HTR2C: variants seen among roughly 807,000 people sequenced by gnomAD.
The protein encoded by HTR2C is 5-hydroxytryptamine receptor 2C, also known as 5-hydroxytryptamine (serotonin) receptor 2C, G protein-coupled.
In HTR2C, 5 loss-of-function variants were observed where a neutral mutation model predicts 21.0. The observed-to-expected ratio is 0.24, with a 90% CI of 0.12 to 0.50. The LOEUF is 0.50. Ranked by LOEUF, HTR2C falls within the 20% of genes least tolerant of loss-of-function variation. The pLI is 0.98. For missense variants in HTR2C, 271 were observed against 371.2 expected (o/e 0.73, Z 2.22); for synonymous variants, 150 against 145.3 (o/e 1.03, Z -0.23).
chrX:114,716,373 C>T (rs1275416868), intron 2 of HTR2C, among the ~76,000 whole-genome samples: 4 of 112,016 alleles, frequency 3.6e-5, no homozygotes, highest in South Asian at 7.3e-4. Context: ...TGTGTGAATT[C>T]GCACATAATT....
chrX:114,806,966 CCATATATACCATATATATACCA>C (rs1556450329), intron 4 of HTR2C, among the ~76,000 whole-genome samples: 3 of 98,069 alleles, frequency 3.1e-5, no homozygotes, highest in African/African-American at 1.1e-4. Flanking sequence ...TATGTATATA[CCATATATACCATATATATACCA>C]CATATATATA....
At chrX:114,609,900 G>A (rs896365628) in intron 1 of HTR2C, among the ~76,000 whole-genome samples, 3 of 111,970 alleles carry the variant, frequency 2.7e-5, no homozygotes, top group Non-Finnish European at 5.6e-5. Context: ...GGAAGGTGGT[G>A]ACTACAAAGA....
At chrX:114,833,700 T>TG (rs782115962) in intron 4 of HTR2C, among the ~76,000 whole-genome samples, 146 of 111,344 alleles carry the variant, frequency 1.3e-3, no homozygotes, top group Middle Eastern at 9.2e-3. Flanking sequence ...CTCTATTTCC[T>TG]TCAGTTCTGC....
At chrX:114,805,261 A>G (rs2147432959) in intron 4 of HTR2C, among the ~76,000 whole-genome samples, 1 of 109,668 alleles carries the variant, frequency 9.1e-6, no homozygotes, top group East Asian at 2.9e-4. Context: ...ACTTTGACAT[A>G]TGACCAATCT....
chrX:114,677,488 T>C (rs1931600733), intron 2 of HTR2C, among the ~76,000 whole-genome samples: 1 of 111,102 alleles, frequency 9.0e-6, no homozygotes, highest in African/African-American at 3.3e-5. Flanking sequence ...TGTTCAACCC[T>C]ATAAAATGAT....
chrX:114,644,362 AATATATATATATATATATATATATATAT>A (rs782451317), intron 2 of HTR2C, among the ~76,000 whole-genome samples: 10 of 38,244 alleles, frequency 2.6e-4, no homozygotes, highest in African/African-American at 1.3e-4. Flanking sequence ...TAAATAAATA[AATATATATATATATATATATATATATAT>A]ATATATATAT....
At chrX:114,806,103 A>G (rs1425795648) in intron 4 of HTR2C, among the ~76,000 whole-genome samples, 4 of 100,337 alleles carry the variant, frequency 4.0e-5, no homozygotes, top group African/African-American at 7.1e-5. Flanking sequence ...TATATACACC[A>G]TATATACCAT....
At chrX:114,726,026 G>T (rs1420711174) in intron 2 of HTR2C, among the ~76,000 whole-genome samples, 13 of 111,673 alleles carry the variant, frequency 1.2e-4, no homozygotes, top group Non-Finnish European at 7.5e-5. Flanking sequence ...GCCTCCTTGA[G>T]CTGTGGTGGG....
chrX:114,894,715 T>C (rs191084911), intron 5 of HTR2C, among the ~76,000 whole-genome samples: 93 of 111,015 alleles, frequency 8.4e-4, no homozygotes, highest in South Asian at 1.9e-3. Context: ...CATTTATTTA[T>C]CTACCTTATT....
At chrX:114,814,433 G>A (rs1165975148) in intron 4 of HTR2C, among the ~76,000 whole-genome samples, 2 of 109,647 alleles carry the variant, frequency 1.8e-5, no homozygotes, top group African/African-American at 6.6e-5. Context: ...TGAAGTCATG[G>A]AACCTAAAAC....
At chrX:114,887,045 TA>T (rs782036457) in intron 5 of HTR2C, among the ~76,000 whole-genome samples, 3 of 112,247 alleles carry the variant, frequency 2.7e-5, no homozygotes, top group Non-Finnish European at 5.6e-5. Flanking sequence ...CATGCCATAG[TA>T]AAAAATGTGC....
At position 114,907,490 on chromosome X, in the gene HTR2C, G is replaced by T. The variant is rs2071385177; in HGVS notation, c.*75G>T. The T allele has an allele frequency of 2.7e-6, 2 of 750,643 alleles. No homozygotes were observed. The highest frequency in any genetic ancestry group is 4.0e-6 in the Non-Finnish European group (2 of 503,441). The allele number at this position is 750,643 out of a possible 1,213,427, so 61.9% of individuals were successfully genotyped here. A position where few individuals can be genotyped will look rare whatever the true frequency, so the allele number is the denominator to read the frequency against. The stretch of plus-strand genomic sequence containing the variant: ...AATTTTCTTCTTTAATTTTTCTGTT[G>T]GTCTTAACTAATGTAAATATTGCTG... On this transcript the variant is annotated 3_prime_UTR_variant, in exon 6 of 6. Coordinates refer to ENST00000276198, the MANE Select transcript of HTR2C (RefSeq NM_000868.4).
At chrX:114,856,577 CA>C (rs1358427471) in intron 5 of HTR2C, among the ~76,000 whole-genome samples, 1 of 107,505 alleles carries the variant, frequency 9.3e-6, no homozygotes, top group African/African-American at 3.4e-5. Context: ...AACTATACTA[CA>C]AGGCTACAGT....
chrX:114,843,563 A>T (rs2070851512), intron 4 of HTR2C, among the ~76,000 whole-genome samples: 1 of 111,816 alleles, frequency 8.9e-6, no homozygotes, highest in African/African-American at 3.2e-5. Flanking sequence ...AGAAAAAAAT[A>T]TTTAAAGAAA....
At chrX:114,602,551 G>C (rs1928167444) in intron 1 of HTR2C, among the ~76,000 whole-genome samples, 1 of 78,276 alleles carries the variant, frequency 1.3e-5, no homozygotes, top group African/African-American at 4.9e-5. Flanking sequence ...AGGACCATAA[G>C]GGATATAAAG....
intron 2 of HTR2C, among the ~76,000 whole-genome samples, chrX:114,649,694 C>A (rs1455039975): frequency 9.0e-6 from 1 of 111,041 alleles, no homozygotes; most frequent in East Asian, 2.8e-4. Flanking sequence ...CGGCTCTCTG[C>A]AACCTCTGCC....
chrX:114,655,134 G>T (rs1354867390), intron 2 of HTR2C, among the ~76,000 whole-genome samples: 1 of 110,563 alleles, frequency 9.0e-6, no homozygotes, highest in Non-Finnish European at 1.9e-5. Context: ...ATGCTTACTA[G>T]TAGACTTCCT....
At chrX:114,702,817 T>C (rs1390211338) in intron 2 of HTR2C, among the ~76,000 whole-genome samples, 1 of 106,000 alleles carries the variant, frequency 9.4e-6, no homozygotes, top group Non-Finnish European at 1.9e-5. Flanking sequence ...AGGAAACCCA[T>C]CTCACGTGCA....
rs782261126 is a variant in HTR2C at position 114,770,870 on chromosome X, C to T, written c.349+39263C>T. 5.9e-5 allele frequency among the ~76,000 whole-genome samples: 6 copies of T among 102,184 alleles called. No homozygotes were observed. The South Asian group carries it at 1.9e-3, about 33-fold the overall frequency. The allele number at this position is 102,184 out of a possible 115,157, so 88.7% of individuals were successfully genotyped here. A position where few individuals can be genotyped will look rare whatever the true frequency, so the allele number is the denominator to read the frequency against. On this transcript the variant is annotated intron_variant, in intron 4 of 5. Coordinates refer to ENST00000276198, the MANE Select transcript of HTR2C (RefSeq NM_000868.4). ...AGGCTGGAGTGCAGTGGCATGACCT[C>T]AGCTCACTGCAACCTCCGCCTCCCA... is the stretch of plus-strand genomic sequence containing the variant.
Sources: gnomAD v4.1 joint callset for allele counts (sites outside exome capture counted in the v4.1 genomes callset) on GRCh38, gnomAD v4.1.1 for gene constraint, MANE v1.5 for transcripts, NCBI Gene and HGNC (gene_info 2026-07-23, HGNC 2026-07-21) for gene names.